IQGAP2: variants seen among roughly 807,000 people sequenced by gnomAD.
IQGAP2 encodes the protein IQ motif containing GTPase activating protein 2, also known as ras GTPase-activating-like protein IQGAP2.
Under a neutral mutation model 201.3 loss-of-function variants are expected in IQGAP2, and 173 were observed. The ratio of observed to expected loss-of-function variants is 0.86; its 90% CI spans 0.76 to 0.98. The LOEUF (loss-of-function observed/expected upper bound fraction) is 0.98. Ranked by LOEUF, IQGAP2 falls within the 50% of genes least tolerant of loss-of-function variation. The pLI is 0.00. For missense variants in IQGAP2, 1,687 were observed against 1,864.8 expected, an observed-to-expected ratio of 0.90 and a Z score of 1.76; for synonymous variants, 675 against 673.9, an observed-to-expected ratio of 1.00 and a Z score of -0.03.
chr5:76,562,374 AT>A (rs531728887), intron 2 of IQGAP2, 21 bp from the exon 3 acceptor site: 10,467 of 1,335,502 alleles, frequency 7.8e-3, no homozygotes, highest in South Asian at 0.011. Context: ...TCACTTTAAT[AT>A]TTTTTTTTTA....
intron 28 of IQGAP2, among the ~76,000 whole-genome samples, chr5:76,678,475 G>C (rs1745021585): frequency 6.6e-6 from 1 of 151,508 alleles, no homozygotes; most frequent in Admixed American, 6.6e-5. Flanking sequence ...TTCTTTTTAA[G>C]ATCAATTGGA....
chr5:76,450,969 G>A (rs796654013), intron 1 of IQGAP2, among the ~76,000 whole-genome samples: 1 of 151,372 alleles, frequency 6.6e-6, no homozygotes, highest in South Asian at 2.1e-4. Flanking sequence ...AACAGCATAT[G>A]CTTGCATTAA....
At chr5:76,491,145 G>A (rs895330291) in intron 2 of IQGAP2, among the ~76,000 whole-genome samples, 3 of 152,070 alleles carry the variant, frequency 2.0e-5, no homozygotes, top group African/African-American at 7.2e-5. Flanking sequence ...TGTCTTGCAT[G>A]TTGTCCTTGC....
chr5:76,581,285 T>A (rs984886791), intron 5 of IQGAP2, among the ~76,000 whole-genome samples: 6 of 152,250 alleles, frequency 3.9e-5, no homozygotes, highest in Non-Finnish European at 5.9e-5. Flanking sequence ...CCTAAGAAAC[T>A]GATTGAACCC....
At chr5:76,668,643 G>T in intron 22 of IQGAP2, 38 bp from the exon 23 acceptor site, 1 of 1,541,390 alleles carries the variant, frequency 6.5e-7, no homozygotes, top group Non-Finnish European at 8.9e-7. Context: ...ATTGTTTTGT[G>T]GGATTTTTTT....
chr5:76,636,509 C>CTTTG (rs1439003129), intron 15 of IQGAP2, among the ~76,000 whole-genome samples: 1 of 152,078 alleles, frequency 6.6e-6, no homozygotes, highest in Non-Finnish European at 1.5e-5. Context: ...TTTAGTTGAC[C>CTTTG]TTTGTGTTGT....
chr5:76,560,689 A>G (rs1040105623), intron 2 of IQGAP2, among the ~76,000 whole-genome samples: 1 of 152,314 alleles, frequency 6.6e-6, no homozygotes, highest in East Asian at 1.9e-4. Flanking sequence ...ATTGCACATC[A>G]TAGCCTCTCA....
At chr5:76,641,966 G>T (rs556578974) in intron 17 of IQGAP2, among the ~76,000 whole-genome samples, 2 of 152,080 alleles carry the variant, frequency 1.3e-5, no homozygotes, top group African/African-American at 2.4e-5. Flanking sequence ...CTTGTATCTT[G>T]CACATGATAG....
At chr5:76,533,953 A>G (rs1412100620) in intron 2 of IQGAP2, among the ~76,000 whole-genome samples, 1 of 152,196 alleles carries the variant, frequency 6.6e-6, no homozygotes, top group Non-Finnish European at 1.5e-5. Flanking sequence ...CTTGTCTTTT[A>G]ACTTTGGGAA....
intron 1 of IQGAP2, among the ~76,000 whole-genome samples, chr5:76,420,401 A>T (rs1323712454): frequency 4.9e-5 from 7 of 142,658 alleles, no homozygotes; most frequent in African/African-American, 1.8e-4. Context: ...TTTGAGACAG[A>T]GTCTCACACT....
intron 21 of IQGAP2, among the ~76,000 whole-genome samples, chr5:76,663,468 TTCAAATATGAGTCGCATGC>T (rs1743452222): frequency 8.5e-6 from 1 of 117,948 alleles, no homozygotes. Context: ...AACAGCGACT[TTCAAATATGAGTCGCATGC>T]CATTAGGGTC....
intron 2 of IQGAP2, among the ~76,000 whole-genome samples, chr5:76,480,675 T>C (rs1755726116): frequency 6.6e-6 from 1 of 152,212 alleles, no homozygotes. Flanking sequence ...TGTCAATTCT[T>C]ACCATGTCTG....
At chr5:76,471,562 A>G (rs1486615921) in intron 2 of IQGAP2, among the ~76,000 whole-genome samples, 5 of 152,216 alleles carry the variant, frequency 3.3e-5, no homozygotes, top group Non-Finnish European at 7.3e-5. Context: ...AGATACCAAA[A>G]GAACACCTTG....
intron 2 of IQGAP2, among the ~76,000 whole-genome samples, chr5:76,497,257 C>T (rs1757043433): frequency 6.6e-6 from 1 of 152,204 alleles, no homozygotes; most frequent in Admixed American, 6.5e-5. Context: ...ACTAATGCTG[C>T]CTTCTGCGGT....
At chr5:76,462,673 A>T (rs1223249588) in intron 2 of IQGAP2, among the ~76,000 whole-genome samples, 1 of 152,214 alleles carries the variant, frequency 6.6e-6, no homozygotes, top group East Asian at 1.9e-4. Context: ...GGTGTTAATT[A>T]TCTCTGATCA....
chr5:76,533,630 C>T (rs1025765924), intron 2 of IQGAP2, among the ~76,000 whole-genome samples: 3 of 151,856 alleles, frequency 2.0e-5, no homozygotes, highest in Admixed American at 6.5e-5. Context: ...AAGCTCTGCC[C>T]CCTGGGTTCA....
chr5:76,526,476 A>G (rs572578835), intron 2 of IQGAP2, among the ~76,000 whole-genome samples: 1 of 152,336 alleles, frequency 6.6e-6, no homozygotes, highest in East Asian at 1.9e-4. Flanking sequence ...GAGAAAAGAG[A>G]AAGCATTATA....
intron 1 of IQGAP2, among the ~76,000 whole-genome samples, chr5:76,410,146 T>C (rs1409460812): frequency 1.3e-5 from 2 of 152,170 alleles, no homozygotes; most frequent in African/African-American, 4.8e-5. Context: ...GCTTATACTT[T>C]TAGTGCCCTT....
chr5:76,590,053 A>G (rs1193443636), intron 7 of IQGAP2, among the ~76,000 whole-genome samples: 1 of 152,218 alleles, frequency 6.6e-6, no homozygotes, highest in Admixed American at 6.5e-5. Flanking sequence ...CTAAATTGCA[A>G]GTATTTCTTG....
Sources: allele counts gnomAD v4.1 joint callset (sites outside exome capture counted in the v4.1 genomes callset), GRCh38; gene constraint gnomAD v4.1.1; transcripts MANE v1.5; gene names NCBI Gene and HGNC (gene_info 2026-07-23, HGNC 2026-07-21).